CDH12: variants seen among roughly 807,000 people sequenced by gnomAD.
CDH12 encodes the protein cadherin 12, also known as cadherin-12.
In CDH12, 41 loss-of-function variants were observed where a neutral mutation model predicts 74.1. The observed-to-expected ratio is 0.55, with a 90% CI of 0.43 to 0.72. The LOEUF (loss-of-function observed/expected upper bound fraction) is 0.72. CDH12 is among the 30% of genes least tolerant of loss of function. The pLI is 0.00. For synonymous variants in CDH12, 399 were observed against 355.0 expected, an observed-to-expected ratio of 1.12 and a Z score of -1.39; for missense variants, 945 against 977.2, an observed-to-expected ratio of 0.97 and a Z score of 0.44.
intron 4 of CDH12, among the ~76,000 whole-genome samples, chr5:22,155,730 C>T (rs2150314861): frequency 6.6e-6 from 1 of 152,044 alleles, no homozygotes; most frequent in Non-Finnish European, 1.5e-5. Flanking sequence ...TAGCATAAGT[C>T]ATATGTTTAA....
intron 1 of CDH12, among the ~76,000 whole-genome samples, chr5:22,700,257 C>T (rs752274063): frequency 2.6e-5 from 4 of 152,108 alleles, no homozygotes; most frequent in Admixed American, 6.5e-5. Context: ...TCCCTATTAA[C>T]AAATTTATTT....
At chr5:22,368,411 A>G (rs973622948) in intron 3 of CDH12, among the ~76,000 whole-genome samples, 2 of 151,720 alleles carry the variant, frequency 1.3e-5, no homozygotes, top group Admixed American at 6.6e-5. Flanking sequence ...TGATCCTCTC[A>G]AGTCAGTCTC....
intron 6 of CDH12, among the ~76,000 whole-genome samples, chr5:21,945,903 T>G (rs1289825396): frequency 6.6e-6 from 1 of 151,912 alleles, no homozygotes; most frequent in African/African-American, 2.4e-5. Flanking sequence ...CCAAATTGGA[T>G]GGAAGACATA....
chr5:22,552,167 G>A (rs1270069367), intron 1 of CDH12, among the ~76,000 whole-genome samples: 1 of 151,922 alleles, frequency 6.6e-6, no homozygotes, highest in Non-Finnish European at 1.5e-5. Flanking sequence ...ATTATGTTGA[G>A]ACTTTAAATA....
intron 1 of CDH12, among the ~76,000 whole-genome samples, chr5:22,613,841 T>C (rs912444722): frequency 6.6e-6 from 1 of 152,036 alleles, no homozygotes; most frequent in Non-Finnish European, 1.5e-5. Flanking sequence ...TTTATGAAAA[T>C]AAATAGATTC....
intron 2 of CDH12, among the ~76,000 whole-genome samples, chr5:22,426,363 A>G (rs1290042273): frequency 6.6e-6 from 1 of 151,524 alleles, no homozygotes; most frequent in African/African-American, 2.4e-5. Context: ...TTTGTTATCA[A>G]AGAATAAAAT....
intron 3 of CDH12, among the ~76,000 whole-genome samples, chr5:22,350,060 CTATT>C (rs1388923586): frequency 6.6e-6 from 1 of 152,192 alleles, no homozygotes; most frequent in African/African-American, 2.4e-5. Flanking sequence ...TGTAAGTTCT[CTATT>C]TAGTTGAAAT....
intron 1 of CDH12, among the ~76,000 whole-genome samples, chr5:22,587,939 T>C (rs1740493932): frequency 6.7e-6 from 1 of 148,352 alleles, no homozygotes; most frequent in Non-Finnish European, 1.5e-5. Context: ...TTTATATATA[T>C]ATTATCCACC....
chr5:22,298,098 C>T (rs955361017), intron 3 of CDH12, among the ~76,000 whole-genome samples: 1 of 150,444 alleles, frequency 6.6e-6, no homozygotes, highest in Non-Finnish European at 1.5e-5. Context: ...TGTGCTGATG[C>T]CTAATGGAGA....
At chr5:22,201,828 G>A (rs1213235511) in intron 4 of CDH12, among the ~76,000 whole-genome samples, 4 of 152,104 alleles carry the variant, frequency 2.6e-5, no homozygotes, top group Admixed American at 6.6e-5. Context: ...AAAGGAATAT[G>A]GTAACGCGGC....
At chr5:22,255,511 G>A (rs1753280735) in intron 3 of CDH12, among the ~76,000 whole-genome samples, 1 of 151,476 alleles carries the variant, frequency 6.6e-6, no homozygotes, top group Non-Finnish European at 1.5e-5. Flanking sequence ...ATACAGATTG[G>A]AAGACTATTC....
At chr5:21,833,336 T>A (rs1427689541) in intron 8 of CDH12, among the ~76,000 whole-genome samples, 2 of 65,258 alleles carry the variant, frequency 3.1e-5, no homozygotes, top group Non-Finnish European at 4.5e-5. Context: ...ATATTATATA[T>A]TATATAACAT....
chr5:22,435,466 G>C (rs1453516835), intron 2 of CDH12, among the ~76,000 whole-genome samples: 1 of 147,850 alleles, frequency 6.8e-6, no homozygotes, highest in East Asian at 2.0e-4. Context: ...AAATGTGTGT[G>C]TACACACACA....
intron 1 of CDH12, among the ~76,000 whole-genome samples, chr5:22,843,310 A>T (rs1311549437): frequency 6.6e-6 from 1 of 152,058 alleles, no homozygotes; most frequent in East Asian, 1.9e-4. Flanking sequence ...AAATAAATTC[A>T]CTAAGAGTTC....
At chr5:21,857,299 G>A (rs1750806233) in intron 6 of CDH12, among the ~76,000 whole-genome samples, 1 of 151,822 alleles carries the variant, frequency 6.6e-6, no homozygotes, top group Non-Finnish European at 1.5e-5. Flanking sequence ...CAGTGAGCTT[G>A]AAATTTATTC....
chr5:22,771,259 T>G (rs1227559188), intron 1 of CDH12, among the ~76,000 whole-genome samples: 3 of 152,146 alleles, frequency 2.0e-5, no homozygotes, highest in African/African-American at 7.2e-5. Context: ...AAATGTTTCC[T>G]AGGTTTTTAG....
At chr5:21,872,788 ATCT>A (rs1212009676) in intron 6 of CDH12, among the ~76,000 whole-genome samples, 6 of 22,756 alleles carry the variant, frequency 2.6e-4, no homozygotes, top group Non-Finnish European at 4.1e-4. Flanking sequence ...AGTAAGATCT[ATCT>A]ATCTATCTAT....
chr5:22,512,091 A>G (rs1386495708), intron 1 of CDH12, among the ~76,000 whole-genome samples: 1 of 152,102 alleles, frequency 6.6e-6, no homozygotes, highest in Non-Finnish European at 1.5e-5. Context: ...AAGGGGAACA[A>G]TCACAAAATC....
At chr5:22,145,748 C>T (rs570935998) in intron 4 of CDH12, among the ~76,000 whole-genome samples, 3 of 152,044 alleles carry the variant, frequency 2.0e-5, no homozygotes, top group East Asian at 3.9e-4. Context: ...TCAATAGTTT[C>T]GAGACAGACA....
Sources: gnomAD v4.1 joint callset for allele counts (sites outside exome capture counted in the v4.1 genomes callset) on GRCh38, gnomAD v4.1.1 for gene constraint, MANE v1.5 for transcripts, NCBI Gene and HGNC (gene_info 2026-07-23, HGNC 2026-07-21) for gene names.